MYO16: variants seen among roughly 807,000 people sequenced by gnomAD.
The protein encoded by MYO16 is myosin XVI.
A neutral mutation model predicts 205.3 loss-of-function variants in MYO16; 94 were observed. The ratio of observed to expected loss-of-function variants is 0.46; its 90% CI spans 0.39 to 0.54. MYO16 has a LOEUF of 0.54. Among genes scored for constraint, MYO16 ranks in the 20% least tolerant of loss-of-function variants. The pLI is 0.00. For missense variants in MYO16, 2,315 were observed against 2,387.5 expected (o/e 0.97, Z 0.63); for synonymous variants, 988 against 954.0 (o/e 1.04, Z -0.66).
chr13:108,899,985 A>G (rs1342742182), intron 15 of MYO16, among the ~76,000 whole-genome samples: 1 of 152,210 alleles, frequency 6.6e-6, no homozygotes, highest in Non-Finnish European at 1.5e-5. Context: ...AAAGCAGGCC[A>G]TTCGTGTTTA....
chr13:109,192,209 A>G (rs775436070), intron 34 of MYO16, among the ~76,000 whole-genome samples: 1 of 152,268 alleles, frequency 6.6e-6, no homozygotes, highest in Admixed American at 6.5e-5. Context: ...GATATTGGAA[A>G]GAAGTGTCAT....
At chr13:108,556,176 T>C in the MYO16 span, among the ~76,000 whole-genome samples, 1 of 152,214 alleles carries the variant, frequency 6.6e-6, no homozygotes, top group South Asian at 2.1e-4. Context: ...GACTGCCGGA[T>C]CATATGGTGG....
intron 25 of MYO16, 149 bp downstream of exon 25, chr13:109,052,624 A>G (rs1381746772): frequency 3.1e-6 from 2 of 644,852 alleles, no homozygotes; most frequent in Non-Finnish European, 5.2e-6. Context: ...TATCTGATGT[A>G]TAACCATCAG....
At chr13:108,728,139 A>G (rs530484387) in intron 4 of MYO16, among the ~76,000 whole-genome samples, 2 of 152,328 alleles carry the variant, frequency 1.3e-5, no homozygotes, top group East Asian at 3.9e-4. Context: ...GTATTTCAAG[A>G]AACTATTTAC....
chr13:108,889,851 T>G (rs1880078463), intron 14 of MYO16, among the ~76,000 whole-genome samples: 1 of 152,204 alleles, frequency 6.6e-6, no homozygotes, highest in Non-Finnish European at 1.5e-5. Context: ...CCAACGAATT[T>G]CCTGGACATG....
intron 4 of MYO16, among the ~76,000 whole-genome samples, chr13:108,749,518 G>A (rs1885163719): frequency 6.6e-6 from 1 of 152,166 alleles, no homozygotes; most frequent in African/African-American, 2.4e-5. Flanking sequence ...ACCAAAAGAT[G>A]CTCAGTAGCA....
chr13:108,544,072 A>G, the MYO16 span, among the ~76,000 whole-genome samples: 4 of 150,448 alleles, frequency 2.7e-5, no homozygotes, highest in Non-Finnish European at 5.9e-5. Flanking sequence ...TCTCCAAAAA[A>G]AAAAAAAAAA....
At chr13:108,636,361 TTTTTTTTTTGTG>T (rs1339118488) in intron 1 of MYO16, among the ~76,000 whole-genome samples, 44 of 95,424 alleles carry the variant, frequency 4.6e-4, no homozygotes, top group African/African-American at 1.8e-3. Context: ...TTTTTTTTTT[TTTTTTTTTTGTG>T]TGTGTGTGTG....
At chr13:108,798,596 G>A (rs978922950) in intron 6 of MYO16, among the ~76,000 whole-genome samples, 1 of 151,368 alleles carries the variant, frequency 6.6e-6, no homozygotes, top group Admixed American at 6.6e-5. Flanking sequence ...ATATTAATGC[G>A]ATAACTGGCA....
At chr13:108,972,249 C>CTCTCTATATATATA (rs1178345437) in intron 20 of MYO16, among the ~76,000 whole-genome samples, 1 of 2,848 alleles carries the variant, frequency 3.5e-4, no homozygotes, top group Non-Finnish European at 5.9e-4. Context: ...CTCTCTCTCT[C>CTCTCTATATATATA]TATATATATA....
rs562850668 is a variant in MYO16, at chr13:108,914,835, G to A, written c.1925+4685G>A. On this transcript the variant is annotated intron_variant, in intron 16 of 34. Transcript: ENST00000457511. ...TTTTTGTATTTTTAGTAGGGACGGG[G>A]TTTCACCATGTTGGCCAGGCTGGTC... Among the ~76,000 whole-genome samples, 18 of 152,140 alleles carry A rather than the reference G, an allele frequency of 1.2e-4. 1 individual carries two copies. In the East Asian group the frequency reaches 2.5e-3, roughly 21 times the overall value.
chr13:109,093,051 T>C (rs1888669639), intron 27 of MYO16, among the ~76,000 whole-genome samples: 1 of 152,142 alleles, frequency 6.6e-6, no homozygotes, highest in Admixed American at 6.6e-5. Flanking sequence ...TCACAATACG[T>C]GAATGTATGG....
intron 23 of MYO16, among the ~76,000 whole-genome samples, chr13:109,030,366 T>C (rs1427832190): frequency 6.6e-6 from 1 of 152,134 alleles, no homozygotes; most frequent in Non-Finnish European, 1.5e-5. Flanking sequence ...CTGCAAATGA[T>C]CACTTATTTA....
At chr13:108,610,396 G>T (rs916931372) in intron 1 of MYO16, among the ~76,000 whole-genome samples, 1 of 151,868 alleles carries the variant, frequency 6.6e-6, no homozygotes, top group Non-Finnish European at 1.5e-5. Flanking sequence ...ATTTTTTCTT[G>T]TACTGTACTT....
chr13:109,167,812 A>T (rs1409042136), intron 33 of MYO16, among the ~76,000 whole-genome samples: 1 of 152,208 alleles, frequency 6.6e-6, no homozygotes, highest in East Asian at 1.9e-4. Context: ...TAACATAGTT[A>T]ACATGCTCAA....
the MYO16 span, among the ~76,000 whole-genome samples, chr13:108,557,031 A>G: frequency 6.6e-6 from 1 of 152,154 alleles, no homozygotes; most frequent in Non-Finnish European, 1.5e-5. Flanking sequence ...TTTAATTACC[A>G]TAGCCGCCTA....
the MYO16 span, among the ~76,000 whole-genome samples, chr13:108,575,136 T>C: frequency 6.6e-6 from 1 of 152,204 alleles, no homozygotes; most frequent in African/African-American, 2.4e-5. Context: ...TATCCTATGA[T>C]GACCTTTGAA....
At chr13:109,182,366 C>A (rs1001322782) in intron 34 of MYO16, among the ~76,000 whole-genome samples, 1 of 152,124 alleles carries the variant, frequency 6.6e-6, no homozygotes, top group African/African-American at 2.4e-5. Context: ...GAAGGGACAA[C>A]AATTGACCTG....
chr13:108,693,823 T>C (rs1365480880), intron 2 of MYO16, among the ~76,000 whole-genome samples: 1 of 152,202 alleles, frequency 6.6e-6, no homozygotes, highest in Admixed American at 6.5e-5. Flanking sequence ...TAAAGCCTAG[T>C]ACCTAGTAGC....
Sources: gnomAD v4.1 joint callset for allele counts (sites outside exome capture counted in the v4.1 genomes callset) on GRCh38, gnomAD v4.1.1 for gene constraint, MANE v1.5 for transcripts, NCBI Gene and HGNC (gene_info 2026-07-23, HGNC 2026-07-21) for gene names.